The following ABCB11 variants were observed in gnomAD, a reference collection of about 807,000 sequenced individuals.
ABCB11 encodes ATP binding cassette subfamily B member 11.
A neutral mutation model predicts 148.0 loss-of-function variants in ABCB11; 95 were observed. That is an observed-to-expected ratio of 0.64 (90% CI 0.54 to 0.76). ABCB11 has a LOEUF of 0.76. Among genes scored for constraint, ABCB11 ranks in the 30% least tolerant of loss-of-function variants. The pLI, the probability that ABCB11 is intolerant of heterozygous loss-of-function variation, is 0.00. For synonymous variants in ABCB11, 591 were observed against 555.4 expected (o/e 1.06, Z -0.90); for missense variants, 1,523 against 1,617.8 (o/e 0.94, Z 1.01).
At chr2:168,964,062 G>T in intron 18 of ABCB11, 144 bp downstream of exon 18, 1 of 506,580 alleles carries the variant, frequency 2.0e-6, no homozygotes, top group Non-Finnish European at 3.5e-6. Flanking sequence ...GTTTTCATTA[G>T]GTCTTAATGC....
intron 1 of ABCB11, among the ~76,000 whole-genome samples, chr2:169,026,429 G>A (rs1177839952): frequency 1.3e-5 from 2 of 152,090 alleles, no homozygotes; most frequent in African/African-American, 2.4e-5. Flanking sequence ...GCTTAGAAAC[G>A]GCTGTGATGA....
chr2:168,946,586 A>G (rs1559193324), intron 19 of ABCB11, among the ~76,000 whole-genome samples: 1 of 151,794 alleles, frequency 6.6e-6, no homozygotes, highest in Non-Finnish European at 1.5e-5. Context: ...AAATTTAAAG[A>G]TAAATATTTT....
At chr2:168,962,311 T>C (rs1043399159) in intron 18 of ABCB11, among the ~76,000 whole-genome samples, 12 of 151,742 alleles carry the variant, frequency 7.9e-5, no homozygotes. Flanking sequence ...TGTTCTATTC[T>C]AAATGTATAA....
rs1433703899 is a variant in ABCB11, at chr2:168,979,963, A to G, written c.1100T>C (p.Ile367Thr). ...GTLVQIFLSV[I>T]VGALNLGNAS... ...ATTGCCAAGATTTAAAGCTCCTACTATGACACTGAGGAAAATCTGAAATGA... is the reference window on the plus strand; with the variant it reads ...ATTGCCAAGATTTAAAGCTCCTACTGTGACACTGAGGAAAATCTGAAATGA... The change falls in exon 11 of 28, where the codon ATA becomes ACA. Residue 367 changes from isoleucine to threonine, a missense_variant. Transcript: ENST00000650372. The G allele has an allele frequency of 3.7e-6, 6 of 1,606,690 alleles. No homozygotes were observed. Among genetic ancestry groups the G allele is most frequent in the Non-Finnish European group, 5.1e-6 (6 of 1,174,364 alleles).
intron 5 of ABCB11, 87 bp downstream of exon 5, chr2:169,013,185 C>T: frequency 1.0e-6 from 1 of 990,632 alleles, no homozygotes; most frequent in Non-Finnish European, 1.5e-6. Flanking sequence ...CACTCCAGCT[C>T]AGCCAGTAAA....
intron 26 of ABCB11, among the ~76,000 whole-genome samples, chr2:168,926,075 A>G (rs1278192382): frequency 2.0e-5 from 3 of 152,236 alleles, no homozygotes; most frequent in Admixed American, 6.5e-5. Flanking sequence ...TTATAAACAT[A>G]ATCACTTATA....
intron 27 of ABCB11, 35 bp from the exon 28 acceptor site, chr2:168,923,857 G>T: frequency 5.6e-6 from 9 of 1,596,406 alleles, no homozygotes; most frequent in Non-Finnish European, 7.7e-6. Flanking sequence ...ATGCAAAGAT[G>T]CATGATTGCT....
intron 16 of ABCB11, among the ~76,000 whole-genome samples, chr2:168,968,942 T>A (rs1162984471): frequency 6.6e-6 from 1 of 151,868 alleles, no homozygotes; most frequent in African/African-American, 2.4e-5. Flanking sequence ...AACCACCAAG[T>A]CTGAAAATTC....
chr2:168,936,505 G>T (rs377089992), intron 21 of ABCB11, 72 bp from the exon 22 acceptor site: 4 of 1,412,004 alleles, frequency 2.8e-6, no homozygotes, highest in African/African-American at 2.8e-5. Flanking sequence ...ACACAAAAAG[G>T]TCAGACCTTT....
At chr2:168,962,907 A>G (rs760879631) in intron 18 of ABCB11, among the ~76,000 whole-genome samples, 27 of 151,728 alleles carry the variant, frequency 1.8e-4, no homozygotes, top group Non-Finnish European at 3.2e-4. Flanking sequence ...AAAGTCTTCC[A>G]TGGAATTTAT....
At chr2:168,986,417 A>G in intron 9 of ABCB11, 133 bp from the exon 10 acceptor site, 1 of 755,694 alleles carries the variant, frequency 1.3e-6, no homozygotes. Flanking sequence ...TTCAGGGAGA[A>G]AAATCTCCAA....
intron 21 of ABCB11, among the ~76,000 whole-genome samples, chr2:168,943,856 C>T (rs1692181679): frequency 1.3e-5 from 2 of 151,578 alleles, no homozygotes; most frequent in South Asian, 4.2e-4. Context: ...AAATTTTTTT[C>T]CTTTGGTTTT....
rs1158984965 is a variant in ABCB11 at position 168,996,676 on chromosome 2, C to G, written c.436G>C (p.Ala146Pro). Residue 146 changes from alanine (A) to proline (P), a missense_variant, in exon 6 of 28, where the codon GCT becomes CCT. By Grantham distance (27) the Ala-to-Pro change is conservative. Coordinates refer to ENST00000650372, the MANE Select transcript of ABCB11 (RefSeq NM_003742.4). ...SEMIKFASYY[A>P]GIAVAVLITG... is the part of the protein sequence containing the mutation. ...ATAAGTACTGCGACAGCAATTCCAG[C>G]ATAGTAACTGGCAAATTTGATCATT... 6.4e-7 allele frequency: 1 copy of G among 1,573,532 alleles called. No homozygotes were observed. The highest frequency in any genetic ancestry group is 8.6e-7 in the Non-Finnish European group (1 of 1,157,338).
downstream of ABCB11, among the ~76,000 whole-genome samples, chr2:168,919,735 T>G (rs114136907): frequency 4.9e-3 from 750 of 152,298 alleles, 8 homozygotes; most frequent in African/African-American, 0.017. Flanking sequence ...TTCTTGAGAA[T>G]AGCTTTGCTA....
intron 11 of ABCB11, among the ~76,000 whole-genome samples, chr2:168,977,589 T>C (rs770049141): frequency 5.3e-5 from 8 of 152,278 alleles, no homozygotes; most frequent in Non-Finnish European, 1.0e-4. Context: ...GTGATGGAAA[T>C]TCATCACTGT....
At chr2:168,984,885 G>A (rs1471766684) in intron 10 of ABCB11, among the ~76,000 whole-genome samples, 1 of 152,074 alleles carries the variant, frequency 6.6e-6, no homozygotes, top group Non-Finnish European at 1.5e-5. Flanking sequence ...AAGATTTCAT[G>A]ACCAAGAACC....
At chr2:168,969,951 T>TACCAAA in intron 15 of ABCB11, 94 bp downstream of exon 15, 1 of 705,474 alleles carries the variant, frequency 1.4e-6, no homozygotes, top group Non-Finnish European at 2.5e-6. Context: ...TATCAACTAC[T>TACCAAA]CCCATCCCTC....
At chr2:168,964,947 C>T (rs1010062121) in intron 17 of ABCB11, among the ~76,000 whole-genome samples, 2 of 151,770 alleles carry the variant, frequency 1.3e-5, no homozygotes, top group Non-Finnish European at 2.9e-5. Context: ...ATGTTGGGGA[C>T]ACAAAGACTA....
In ABCB11 at chr2:168,983,962, C is replaced by T. The variant is rs566632319; in HGVS notation, c.1083+2148G>A. Among the ~76,000 whole-genome samples, 33 of 151,518 alleles carry T rather than the reference C, an allele frequency of 2.2e-4. No homozygotes were observed. The South Asian group carries it at 6.9e-3, about 32-fold the overall frequency. On this transcript the variant is annotated intron_variant, in intron 10 of 27. Coordinates refer to ENST00000650372, the MANE Select transcript of ABCB11 (RefSeq NM_003742.4). ...GTCTGAGGGTAGAAACGGGTGGGCA[C>T]AAGTGTAAATAAATGCAAATATTCC...
Sources: allele counts gnomAD v4.1 joint callset (sites outside exome capture counted in the v4.1 genomes callset), GRCh38; gene constraint gnomAD v4.1.1; transcripts MANE v1.5; gene names NCBI Gene and HGNC (gene_info 2026-07-23, HGNC 2026-07-21).